VPS13C: variants seen among roughly 807,000 people sequenced by gnomAD.
VPS13C encodes the protein vacuolar protein sorting 13 homolog C, also known as intermembrane lipid transfer protein VPS13C.
In VPS13C, 358 loss-of-function variants were observed where a neutral mutation model predicts 456.8. That is an observed-to-expected ratio of 0.78 (90% CI 0.72 to 0.86). The LOEUF (loss-of-function observed/expected upper bound fraction) is 0.86, where lower values mean the gene tolerates loss of function less well. VPS13C is among the 40% of genes least tolerant of loss of function. The pLI, the probability that VPS13C is intolerant of heterozygous loss-of-function variation, is 0.00. For synonymous variants in VPS13C, 1,578 were observed against 1,486.7 expected, an observed-to-expected ratio of 1.06 and a Z score of -1.41; for missense variants, 4,818 against 4,385.4, an observed-to-expected ratio of 1.10 and a Z score of -2.79.
chr15:61,892,268 A>G (rs539148102), intron 66 of VPS13C, among the ~76,000 whole-genome samples: 3 of 152,218 alleles, frequency 2.0e-5, no homozygotes, highest in Non-Finnish European at 4.4e-5. Flanking sequence ...GCTGTTCAGC[A>G]GCACAACACT....
At chr15:62,030,571 C>T (rs1031440945) in intron 5 of VPS13C, among the ~76,000 whole-genome samples, 2 of 152,092 alleles carry the variant, frequency 1.3e-5, no homozygotes, top group East Asian at 1.9e-4. Flanking sequence ...TATAGCAATG[C>T]AAAAACTGCC....
chr15:61,926,076 A>G (rs1188194572), intron 52 of VPS13C, among the ~76,000 whole-genome samples: 1 of 152,200 alleles, frequency 6.6e-6, no homozygotes, highest in Non-Finnish European at 1.5e-5. Context: ...GAATGGAGCA[A>G]TTAGTACGGC....
intron 20 of VPS13C, 124 bp from the exon 21 acceptor site, chr15:61,982,697 G>T: frequency 1.6e-6 from 1 of 614,968 alleles, no homozygotes; most frequent in East Asian, 2.8e-5. Context: ...AAGATATTCT[G>T]TCCTACTACA....
intron 67 of VPS13C, among the ~76,000 whole-genome samples, chr15:61,886,799 A>G (rs758021960): frequency 6.6e-6 from 1 of 152,196 alleles, no homozygotes; most frequent in African/African-American, 2.4e-5. Flanking sequence ...CTAACTATAA[A>G]ATGTATTTAG....
At chr15:62,019,082 T>C (rs2140555388) in intron 9 of VPS13C, among the ~76,000 whole-genome samples, 1 of 152,306 alleles carries the variant, frequency 6.6e-6, no homozygotes, top group East Asian at 1.9e-4. Context: ...CGTAGAGGTG[T>C]TTATAGTATT....
At chr15:61,881,978 T>A in intron 69 of VPS13C, 150 bp from the exon 70 acceptor site, 1 of 713,136 alleles carries the variant, frequency 1.4e-6, no homozygotes, top group Non-Finnish European at 2.3e-6. Context: ...TTTAAATCTG[T>A]AAAAGTTACA....
chr15:61,891,273 A>T (rs1001542788), intron 66 of VPS13C, among the ~76,000 whole-genome samples: 2 of 152,202 alleles, frequency 1.3e-5, no homozygotes, highest in Admixed American at 1.3e-4. Flanking sequence ...TTCAATAAGC[A>T]GTACGAGTAC....
In VPS13C at chr15:62,025,194, T is replaced by C. The variant is rs558514736; in HGVS notation, c.449-1349A>G. ...TTCATGTTATATATATTTTAGAGAA[T>C]ATATGTGAAATGGAGCTTGAAATTT... is the stretch of plus-strand genomic sequence containing the variant. On this transcript the variant is annotated intron_variant, in intron 6 of 84. Coordinates refer to ENST00000644861, the MANE Select transcript of VPS13C (RefSeq NM_020821.3). Among the ~76,000 whole-genome samples, 89 of 152,248 alleles carry C rather than the reference T, an allele frequency of 5.8e-4. 1 individual carries two copies. The highest frequency in any genetic ancestry group is 1.8e-3 in the African/African-American group (76 of 41,536).
chr15:62,007,753 A>G (rs886997483), intron 14 of VPS13C, among the ~76,000 whole-genome samples: 1 of 152,244 alleles, frequency 6.6e-6, no homozygotes, highest in Non-Finnish European at 1.5e-5. Flanking sequence ...CACTGAGTCT[A>G]TGTGGATGAC....
intron 39 of VPS13C, 64 bp downstream of exon 39, chr15:61,951,760 T>C: frequency 6.7e-7 from 1 of 1,489,286 alleles, no homozygotes; most frequent in Non-Finnish European, 9.0e-7. Flanking sequence ...ATGTTTAATG[T>C]TGATAAAAAG....
chr15:62,028,471 C>A (rs748532209), intron 5 of VPS13C, 51 bp from the exon 6 acceptor site: 1 of 1,527,500 alleles, frequency 6.5e-7, no homozygotes, highest in South Asian at 1.1e-5. Flanking sequence ...TTTAAAGACA[C>A]CTTTAATTTC....
chr15:61,920,093 T>C lies in VPS13C; in HGVS notation c.7451A>G (p.Glu2484Gly), dbSNP rs2043600633. 6.2e-7 allele frequency: 1 copy of C among 1,609,270 alleles called. No individual in the cohort carries two copies. The highest frequency in any genetic ancestry group is 2.2e-5 in the East Asian group (1 of 44,802). ...AATGGTCAGAGTGAAGAAGGAGCTT[T>C]CTTGACGGCTCAATATAGATAGGTT... ...QGNLSILSRQ[E>G]SSFFTLTIVP... The change falls in exon 57 of 85, where the codon GAA becomes GGA. Residue 2484 changes from glutamate (E) to glycine (G), a missense_variant. By Grantham distance (98) the Glu-to-Gly change is moderately conservative. Around this residue, in one of 3 missense-constraint regions of VPS13C, gnomAD observed 4,552 missense variants for 4,130.6 expected, o/e 1.10. Coordinates refer to ENST00000644861, the MANE Select transcript of VPS13C (RefSeq NM_020821.3).
Position 61,958,734 on chromosome 15 carries a change from A to T in VPS13C, c.4057-18T>A. The stretch of plus-strand genomic sequence containing the variant: ...AGACTAACCTGTAAAATATTATGTT[A>T]AAAAAAAAACTATATTACGTTTTAA... On this transcript the variant is annotated intron_variant, in intron 36 of 84. Transcript: ENST00000644861. 1 of 1,131,758 alleles carries T rather than the reference A, an allele frequency of 8.8e-7. No homozygotes were observed. The highest frequency in any genetic ancestry group is 1.2e-6 in the Non-Finnish European group (1 of 821,226). The allele number at this position is 1,131,758 out of a possible 1,614,324, so 70.1% of individuals were successfully genotyped here. A position where few individuals can be genotyped will look rare whatever the true frequency, so the allele number is the denominator to read the frequency against.
chr15:61,925,028 T>C (rs937879869), intron 53 of VPS13C, among the ~76,000 whole-genome samples: 1 of 152,210 alleles, frequency 6.6e-6, no homozygotes, highest in Non-Finnish European at 1.5e-5. Flanking sequence ...TCATTATAAA[T>C]ATTTGAAGCC....
chr15:61,949,330 T>A, intron 42 of VPS13C, 113 bp downstream of exon 42: 1 of 1,244,636 alleles, frequency 8.0e-7, no homozygotes, highest in Non-Finnish European at 1.1e-6. Context: ...GAAACTAACC[T>A]ATCAGAGCAG....
chr15:61,857,650 G>A (rs746534157), intron 82 of VPS13C, among the ~76,000 whole-genome samples: 9 of 152,286 alleles, frequency 5.9e-5, no homozygotes, highest in South Asian at 2.1e-4. Context: ...TTAGATTCAC[G>A]GTTCTGGTGG....
chr15:61,869,357 G>T (rs751675630), intron 80 of VPS13C, 143 bp downstream of exon 80: 1 of 878,874 alleles, frequency 1.1e-6, no homozygotes, highest in Non-Finnish European at 1.6e-6. Flanking sequence ...CTTTCTGGAG[G>T]CACTCTATGT....
At chr15:61,921,323 C>T (rs117370162) in intron 55 of VPS13C, among the ~76,000 whole-genome samples, 1,577 of 152,076 alleles carry the variant, frequency 0.01, 17 homozygotes, top group Non-Finnish European at 0.017. Context: ...AAGTATGCTA[C>T]GACAATTTCT....
chr15:61,946,010 T>C (rs1391184906), intron 44 of VPS13C, 128 bp from the exon 45 acceptor site: 41 of 902,714 alleles, frequency 4.5e-5, no homozygotes, highest in Non-Finnish European at 6.4e-5. Context: ...ACATTAAAAA[T>C]TATTAGCTAA....
Sources: allele counts gnomAD v4.1 joint callset (sites outside exome capture counted in the v4.1 genomes callset), GRCh38; gene constraint gnomAD v4.1.1; regional missense constraint gnomAD v4.1.1; transcripts MANE v1.5; gene names NCBI Gene and HGNC (gene_info 2026-07-23, HGNC 2026-07-21).